The following VPS13B variants were observed in gnomAD, a reference collection of about 807,000 sequenced individuals.
VPS13B encodes vacuolar protein sorting 13 homolog B, also known as intermembrane lipid transfer protein VPS13B.
A neutral mutation model predicts 426.4 loss-of-function variants in VPS13B; 285 were observed. That is an observed-to-expected ratio of 0.67 (90% CI 0.61 to 0.74). The LOEUF (loss-of-function observed/expected upper bound fraction) is 0.74. Among genes scored for constraint, VPS13B ranks in the 30% least tolerant of loss-of-function variants. VPS13B has a pLI of 0.00. For missense variants in VPS13B, 4,537 were observed against 4,782.6 expected (o/e 0.95, Z 1.51); for synonymous variants, 1,676 against 1,676.4 (o/e 1.00, Z 0.01).
intron 43 of VPS13B, among the ~76,000 whole-genome samples, chr8:99,791,720 T>TAAAAAAAAAAAAA (rs1163608239): frequency 3.3e-5 from 3 of 90,066 alleles, no homozygotes; most frequent in East Asian, 3.2e-4. Flanking sequence ...GAACAGAACT[T>TAAAAAAAAAAAAA]AAAAAAAAAA....
chr8:99,631,475 G>A (rs1056161313), intron 33 of VPS13B, among the ~76,000 whole-genome samples: 2 of 152,030 alleles, frequency 1.3e-5, no homozygotes, highest in Non-Finnish European at 2.9e-5. Context: ...ATGCCCCTAT[G>A]GGAATATCAC....
intron 39 of VPS13B, among the ~76,000 whole-genome samples, chr8:99,746,530 G>C (rs960101366): frequency 6.6e-6 from 1 of 152,144 alleles, no homozygotes; most frequent in South Asian, 2.1e-4. Context: ...CAGAAATTCT[G>C]CTTAACAGTT....
At chr8:99,811,065 T>C (rs900300108) in intron 44 of VPS13B, among the ~76,000 whole-genome samples, 1 of 152,212 alleles carries the variant, frequency 6.6e-6, no homozygotes, top group South Asian at 2.1e-4. Context: ...TCTGATTCTG[T>C]CACTCATGGT....
chr8:99,534,011 A>C (rs1823062856), intron 30 of VPS13B, among the ~76,000 whole-genome samples: 2 of 152,208 alleles, frequency 1.3e-5, no homozygotes, highest in South Asian at 4.1e-4. Flanking sequence ...ATCTGGTGAC[A>C]TTATGACCCT....
intron 2 of VPS13B, 121 bp downstream of exon 2, chr8:99,014,056 A>T: frequency 1.7e-6 from 2 of 1,145,950 alleles, no homozygotes; most frequent in Non-Finnish European, 1.2e-6. Flanking sequence ...ATGTATTTTG[A>T]GCTACCCTGA....
intron 21 of VPS13B, among the ~76,000 whole-genome samples, chr8:99,422,068 G>A (rs895961816): frequency 6.6e-5 from 10 of 152,248 alleles, no homozygotes; most frequent in Middle Eastern, 6.8e-3. Flanking sequence ...TAAGATAGAT[G>A]GGCGTGAAGC....
intron 38 of VPS13B, 81 bp downstream of exon 38, chr8:99,720,633 A>G (rs1312281264): frequency 1.2e-5 from 17 of 1,455,544 alleles, no homozygotes; most frequent in Admixed American, 1.7e-5. Context: ...AATAAAAACA[A>G]TCAAGATGGC....
At chr8:99,855,804 G>A (rs1190393719) in intron 56 of VPS13B, among the ~76,000 whole-genome samples, 1 of 152,224 alleles carries the variant, frequency 6.6e-6, no homozygotes, top group African/African-American at 2.4e-5. Flanking sequence ...GGTCCTGCCA[G>A]ACCTGTTGTC....
chr8:99,828,396 T>TTTTTTTTTTTTTTTTTTTTTTTTGC (rs1814838385), intron 51 of VPS13B, among the ~76,000 whole-genome samples: 1 of 27,476 alleles, frequency 3.6e-5, no homozygotes, highest in Admixed American at 4.9e-4. Flanking sequence ...CAACCACCGT[T>TTTTTTTTTTTTTTTTTTTTTTTTGC]TTTTTTTTTT....
chr8:99,817,136 A>G (rs1469797996), intron 44 of VPS13B, among the ~76,000 whole-genome samples: 2 of 151,608 alleles, frequency 1.3e-5, no homozygotes, highest in East Asian at 1.9e-4. Context: ...CCCATTTTCT[A>G]GCTTTTCACC....
intron 19 of VPS13B, among the ~76,000 whole-genome samples, chr8:99,312,059 T>C (rs1437728543): frequency 6.6e-6 from 1 of 152,210 alleles, no homozygotes; most frequent in African/African-American, 2.4e-5. Context: ...TTTGAGCCTA[T>C]GTGGGTCTCT....
intron 51 of VPS13B, among the ~76,000 whole-genome samples, chr8:99,826,320 C>T (rs1363996326): frequency 1.3e-5 from 2 of 152,084 alleles, no homozygotes; most frequent in African/African-American, 2.4e-5. Flanking sequence ...GTATTTTATT[C>T]TCTTTTTAGC....
At chr8:99,720,197 A>T (rs185074188) in intron 37 of VPS13B, 148 bp from the exon 38 acceptor site, 1 of 667,030 alleles carries the variant, frequency 1.5e-6, no homozygotes, top group East Asian at 2.8e-5. Context: ...TCATCCTGTA[A>T]GTCAATTACT....
At chr8:99,839,829 G>A (rs973318443) in intron 54 of VPS13B, among the ~76,000 whole-genome samples, 12 of 152,210 alleles carry the variant, frequency 7.9e-5, no homozygotes, top group African/African-American at 2.9e-4. Flanking sequence ...TCCAGTGGTG[G>A]CTATGAGAAA....
intron 17 of VPS13B, among the ~76,000 whole-genome samples, chr8:99,196,509 C>T: frequency 6.7e-6 from 1 of 149,398 alleles, no homozygotes; most frequent in South Asian, 2.1e-4. Flanking sequence ...CATTTGTCAC[C>T]CAAGCTGGAG....
At chr8:99,490,174 G>A (rs533366915) in intron 25 of VPS13B, among the ~76,000 whole-genome samples, 15 of 152,196 alleles carry the variant, frequency 9.9e-5, no homozygotes, top group South Asian at 6.2e-4. Context: ...GGTTTTTGTC[G>A]TTGGTTCTGT....
At chr8:99,597,398 G>T (rs913285552) in intron 33 of VPS13B, among the ~76,000 whole-genome samples, 1 of 151,954 alleles carries the variant, frequency 6.6e-6, no homozygotes, top group Non-Finnish European at 1.5e-5. Context: ...TACCACTGTC[G>T]TATGAAGAAA....
At chr8:99,579,431 A>G (rs1219751492) in intron 33 of VPS13B, among the ~76,000 whole-genome samples, 1 of 151,844 alleles carries the variant, frequency 6.6e-6, no homozygotes, top group Non-Finnish European at 1.5e-5. Flanking sequence ...GGAGTCTTGC[A>G]CTGTCGCCTG....
intron 19 of VPS13B, among the ~76,000 whole-genome samples, chr8:99,359,255 T>G (rs1812364070): frequency 6.6e-6 from 1 of 152,152 alleles, no homozygotes; most frequent in Non-Finnish European, 1.5e-5. Context: ...GAAACAACAT[T>G]TTTTATAACA....
Sources: gnomAD v4.1 joint callset for allele counts (sites outside exome capture counted in the v4.1 genomes callset) on GRCh38, gnomAD v4.1.1 for gene constraint, MANE v1.5 for transcripts, NCBI Gene and HGNC (gene_info 2026-07-23, HGNC 2026-07-21) for gene names.